The following SLC14A2 variants were observed in gnomAD, a reference collection of about 807,000 sequenced individuals.
The protein encoded by SLC14A2 is urea transporter 2.
In SLC14A2, 91 loss-of-function variants were observed where a neutral mutation model predicts 104.6. The observed-to-expected ratio is 0.87, with a 90% CI of 0.73 to 1.04. SLC14A2 has a LOEUF of 1.04. SLC14A2 is among the 50% of genes least tolerant of loss of function. SLC14A2 has a pLI of 0.00. For missense variants in SLC14A2, 1,189 were observed against 1,156.0 expected (o/e 1.03, Z -0.41); for synonymous variants, 476 against 466.4 (o/e 1.02, Z -0.27).
At chr18:45,512,537 A>C (rs1382378673) in intron 2 of SLC14A2, among the ~76,000 whole-genome samples, 1 of 152,140 alleles carries the variant, frequency 6.6e-6, no homozygotes, top group African/African-American at 2.4e-5. Context: ...GCCCTTGCTT[A>C]CTGGAACCCC....
At chr18:45,557,992 A>T (rs911742211) in intron 2 of SLC14A2, among the ~76,000 whole-genome samples, 1 of 152,146 alleles carries the variant, frequency 6.6e-6, no homozygotes, top group Non-Finnish European at 1.5e-5. Context: ...AGACACTCAG[A>T]AACCACTTCA....
intron 1 of SLC14A2, among the ~76,000 whole-genome samples, chr18:45,480,294 A>C (rs1278843109): frequency 6.6e-6 from 1 of 152,146 alleles, no homozygotes; most frequent in African/African-American, 2.4e-5. Flanking sequence ...AGAGATCTTC[A>C]GTGTATTATT....
At chr18:45,546,793 C>T (rs960332472) in intron 2 of SLC14A2, among the ~76,000 whole-genome samples, 1 of 152,152 alleles carries the variant, frequency 6.6e-6, no homozygotes, top group Non-Finnish European at 1.5e-5. Context: ...AATATATATA[C>T]ACACATTGCA....
chr18:45,179,013 A>G, the SLC14A2 span, among the ~76,000 whole-genome samples: 2 of 152,160 alleles, frequency 1.3e-5, no homozygotes, highest in Admixed American at 1.3e-4. Flanking sequence ...TAACCTGGAG[A>G]ATCCCTGTCT....
the SLC14A2 span, among the ~76,000 whole-genome samples, chr18:45,196,024 A>T: frequency 6.6e-6 from 1 of 152,350 alleles, no homozygotes; most frequent in African/African-American, 2.4e-5. Flanking sequence ...AGACTGACAT[A>T]CAGAAGATGG....
chr18:45,398,548 T>A (rs2086061055), intron 1 of SLC14A2, among the ~76,000 whole-genome samples: 1 of 103,460 alleles, frequency 9.7e-6, no homozygotes, highest in African/African-American at 3.1e-5. Flanking sequence ...ACCACCCAAA[T>A]GTTCAATTGA....
At chr18:45,359,677 G>T (rs898249522) in intron 1 of SLC14A2, among the ~76,000 whole-genome samples, 3 of 152,190 alleles carry the variant, frequency 2.0e-5, no homozygotes, top group African/African-American at 7.2e-5. Flanking sequence ...TGTGTGCAGA[G>T]GGGGAGCATC....
chr18:45,424,847 A>G (rs2086401768), intron 1 of SLC14A2, among the ~76,000 whole-genome samples: 1 of 152,136 alleles, frequency 6.6e-6, no homozygotes, highest in Non-Finnish European at 1.5e-5. Flanking sequence ...TTATATTTCT[A>G]TAGAAATTTT....
chr18:45,600,255 T>G (rs1165535442), intron 2 of SLC14A2, among the ~76,000 whole-genome samples: 1 of 152,178 alleles, frequency 6.6e-6, no homozygotes, highest in Non-Finnish European at 1.5e-5. Context: ...TGCTACTTAT[T>G]GTCATACTGC....
intron 2 of SLC14A2, among the ~76,000 whole-genome samples, chr18:45,541,787 A>G (rs921338380): frequency 2.0e-5 from 3 of 152,164 alleles, no homozygotes; most frequent in African/African-American, 7.2e-5. Flanking sequence ...AGGTCACTGC[A>G]TTGTCTCTTT....
chr18:45,467,779 T>C (rs2087170928), intron 1 of SLC14A2, among the ~76,000 whole-genome samples: 1 of 152,094 alleles, frequency 6.6e-6, no homozygotes, highest in Non-Finnish European at 1.5e-5. Context: ...ACCAACCCAC[T>C]CCACCCTCTC....
Position 45,590,365 on chromosome 18 carries a change from G to A in SLC14A2, c.-34-34266G>A, listed in dbSNP as rs117486841. The stretch of plus-strand genomic sequence containing the variant: ...ACAGGCCCATACTCCCCCCAGCTAT[G>A]AAATGGTCCATCCTAAAGAAGTTGG... On this transcript the variant is annotated intron_variant, in intron 2 of 20. Coordinates refer to the SLC14A2 transcript ENST00000586448. 1.4e-4 allele frequency among the ~76,000 whole-genome samples: 21 copies of A among 152,278 alleles called. No individual in the cohort carries two copies. The East Asian group carries it at 1.9e-3, about 14-fold the overall frequency.
the SLC14A2 span, chr18:45,181,454 G>C: frequency 2.0e-5 from 3 of 152,178 alleles, no homozygotes; most frequent in Non-Finnish European, 4.4e-5. Flanking sequence ...GAGGGAGGTA[G>C]TTTCACACAC....
At chr18:45,673,564 G>A in intron 17 of SLC14A2, 119 bp from the exon 18 acceptor site, 2 of 1,131,086 alleles carry the variant, frequency 1.8e-6, no homozygotes, top group Non-Finnish European at 2.5e-6. Context: ...AGTCCTTTTT[G>A]TATAACTACC....
chr18:45,518,174 C>G (rs753855234), intron 2 of SLC14A2, among the ~76,000 whole-genome samples: 44 of 152,190 alleles, frequency 2.9e-4, no homozygotes, highest in Admixed American at 5.9e-4. Flanking sequence ...TCACACAGTT[C>G]CGGGTTGCTC....
intron 1 of SLC14A2, among the ~76,000 whole-genome samples, chr18:45,273,009 G>C (rs2084666496): frequency 6.6e-6 from 1 of 152,084 alleles, no homozygotes. Context: ...TCGTGCAATT[G>C]CAAATATCGG....
At chr18:45,422,439 T>C in intron 1 of SLC14A2, among the ~76,000 whole-genome samples, 1 of 151,988 alleles carries the variant, frequency 6.6e-6, no homozygotes, top group African/African-American at 2.4e-5. Flanking sequence ...TCATATAGTA[T>C]GAAAACATGG....
chr18:45,243,698 A>G (rs2084340484), intron 1 of SLC14A2, among the ~76,000 whole-genome samples: 1 of 152,234 alleles, frequency 6.6e-6, no homozygotes, highest in African/African-American at 2.4e-5. Flanking sequence ...GCACAGACCC[A>G]CTGGAAATCA....
At chr18:45,487,744 G>A (rs1234559389) in intron 2 of SLC14A2, among the ~76,000 whole-genome samples, 3 of 152,136 alleles carry the variant, frequency 2.0e-5, no homozygotes, top group African/African-American at 7.2e-5. Flanking sequence ...ACCCCTTGGG[G>A]ATACCTAAAA....
Sources: allele counts gnomAD v4.1 joint callset (sites outside exome capture counted in the v4.1 genomes callset), GRCh38; gene constraint gnomAD v4.1.1; transcripts MANE v1.5; gene names NCBI Gene and HGNC (gene_info 2026-07-23, HGNC 2026-07-21).